Variants in PIK3C2A observed in about 807,000 individuals in gnomAD.
PIK3C2A encodes phosphatidylinositol 4-phosphate 3-kinase C2 domain-containing subunit alpha.
PIK3C2A carries 97 observed loss-of-function variants against 204.5 expected under a neutral mutation model. The ratio of observed to expected loss-of-function variants is 0.47; its 90% CI spans 0.40 to 0.56. PIK3C2A has a LOEUF of 0.56. Ranked by LOEUF, PIK3C2A falls within the 20% of genes least tolerant of loss-of-function variation. PIK3C2A has a pLI of 0.00. For synonymous variants in PIK3C2A, 653 were observed against 664.4 expected (o/e 0.98, Z 0.26); for missense variants, 1,735 against 1,969.2 (o/e 0.88, Z 2.25).
chr11:17,119,929 A>G lies in PIK3C2A; in HGVS notation c.2703T>C (p.Tyr901=), dbSNP rs1849319470. The G allele has an allele frequency of 6.2e-7, 1 of 1,606,910 alleles. No homozygotes were observed. The highest frequency in any genetic ancestry group is 8.5e-7 in the Non-Finnish European group (1 of 1,175,598). Residue 901 remains tyrosine, a synonymous_variant, in exon 16 of 33, where the codon TAT becomes TAC. Coordinates refer to ENST00000691414, the MANE Select transcript of PIK3C2A (RefSeq NM_002645.4). ...DKAFLWEKRY[Y]CFKHPNCLPK... ...GAAGACAATTTGGGTGTTTGAAGCA[A>G]TAATAACGTTTCTCCCATAAAAAAG...
Position 17,207,919 on chromosome 11 carries a change from C to A in PIK3C2A, c.-137G>T, listed in dbSNP as rs17647408. On this transcript the variant is annotated 5_prime_UTR_variant, in exon 1 of 33. Coordinates refer to ENST00000691414, the MANE Select transcript of PIK3C2A (RefSeq NM_002645.4). Reference sequence around the variant, plus strand: ...AGCCGCCACAGTCCGAGCCATTTTTCCCCTCAGCTGGCTCAGCCGCCGCCG... The same window carrying A: ...AGCCGCCACAGTCCGAGCCATTTTTACCCTCAGCTGGCTCAGCCGCCGCCG... 17,550 of 152,622 alleles carry A rather than the reference C, an allele frequency of 0.11. 1,256 individuals are homozygous for A. The highest frequency in any genetic ancestry group is 0.24 in the Middle Eastern group (71 of 294). The allele number at this position is 152,622 out of a possible 1,614,324, so 9.5% of individuals were successfully genotyped here. A position where few individuals can be genotyped will look rare whatever the true frequency, so the allele number is the denominator to read the frequency against.
rs191238635 is a variant in PIK3C2A at position 17,207,095 on chromosome 11, A to C, written c.-66+753T>G. Among the ~76,000 whole-genome samples the C allele has an allele frequency of 6.0e-3, 913 of 152,266 alleles. 18 individuals are homozygous for C. The highest frequency in any genetic ancestry group is 0.021 in the African/African-American group (867 of 41,544). On this transcript the variant is annotated intron_variant, in intron 1 of 32. Transcript: ENST00000691414. ...TTCCCTCCTCAATCCCTCCTCCCCC[A>C]AAAAATAATTCCACAGCTAGAGAAT...
chr11:17,165,005 A>C (rs1850899907), intron 2 of PIK3C2A, among the ~76,000 whole-genome samples: 1 of 152,106 alleles, frequency 6.6e-6, no homozygotes, highest in African/African-American at 2.4e-5. Flanking sequence ...TGCCCCACCA[A>C]AGGAAAGGGT....
rs115242230 is a variant in PIK3C2A, at chr11:17,110,177, T to A, written c.3544+255A>T. ...CATGTTGCCCAGGTTGGACTCAAAC[T>A]CCTGACCTCATGTGATCCACCCACC... On this transcript the variant is annotated intron_variant, in intron 22 of 32. Coordinates refer to ENST00000691414, the MANE Select transcript of PIK3C2A (RefSeq NM_002645.4). 0.049 allele frequency among the ~76,000 whole-genome samples: 7,489 copies of A among 152,124 alleles called. 424 individuals carry two copies. Among genetic ancestry groups the A allele is most frequent in the African/African-American group, 0.13 (5,568 of 41,466 alleles).
intron 8 of PIK3C2A, among the ~76,000 whole-genome samples, chr11:17,140,035 C>A (rs892374226): frequency 6.6e-6 from 1 of 152,190 alleles, no homozygotes; most frequent in African/African-American, 2.4e-5. Context: ...TGCCTCAAAA[C>A]CCCTACTGCC....
chr11:17,173,872 G>A (rs757306175), intron 1 of PIK3C2A, among the ~76,000 whole-genome samples: 9 of 152,102 alleles, frequency 5.9e-5, no homozygotes, highest in East Asian at 3.9e-4. Flanking sequence ...GCACAGTCTC[G>A]GCTCACTGCA....
At position 17,169,317 on chromosome 11, in the gene PIK3C2A, C is replaced by T. The variant is rs775482241; in HGVS notation, c.425G>A (p.Trp142Ter). 1.2e-6 allele frequency: 2 copies of T among 1,614,086 alleles called. No individual in the cohort carries two copies. The highest frequency in any genetic ancestry group is 8.5e-7 in the Non-Finnish European group (1 of 1,180,000). The change falls in exon 2 of 33, where the codon TGG (tryptophan) becomes TAG (stop). Residue 142 changes from tryptophan to a stop codon, truncating the protein, a stop_gained. Transcript: ENST00000691414. LOFTEE classifies it high-confidence loss of function. The stretch of plus-strand genomic sequence containing the variant: ...GGAAGGCCCAGGTAATCCAGGTGGC[C>T]ACTGTCCTCTCTGAATAGTAGGTCT... ...YFRPTIQRGQ[W>*]PPGLPGPSTY...
intron 8 of PIK3C2A, among the ~76,000 whole-genome samples, chr11:17,136,827 C>T (rs1039752931): frequency 6.6e-6 from 1 of 152,148 alleles, no homozygotes; most frequent in Non-Finnish European, 1.5e-5. Context: ...ATTTTCACTT[C>T]GTCTGACACA....
chr11:17,200,172 C>T (rs951308489), intron 1 of PIK3C2A, among the ~76,000 whole-genome samples: 8 of 147,452 alleles, frequency 5.4e-5, no homozygotes, highest in African/African-American at 1.5e-4. Flanking sequence ...GGCGACAGAG[C>T]GAGACTGCAT....
chr11:17,138,325 CTTT>C (rs61085828), intron 8 of PIK3C2A: 8,244 of 344,448 alleles, frequency 0.024, no homozygotes, highest in South Asian at 0.04. Flanking sequence ...AGCCAGCTTC[CTTT>C]TTTTTTTTTT....
chr11:17,186,063 T>C (rs117061194), intron 1 of PIK3C2A, among the ~76,000 whole-genome samples: 7,814 of 152,280 alleles, frequency 0.051, 280 homozygotes, highest in Non-Finnish European at 0.08. Context: ...ACTGCTTCCA[T>C]CACACTGGCC....
At chr11:17,157,459 C>CAAA (rs11387654) in intron 2 of PIK3C2A, among the ~76,000 whole-genome samples, 24 of 99,156 alleles carry the variant, frequency 2.4e-4, no homozygotes, top group South Asian at 3.8e-4. Flanking sequence ...GACTCTGTCT[C>CAAA]AAAAAAAAAA....
intron 20 of PIK3C2A, 103 bp from the exon 21 acceptor site, chr11:17,112,769 G>C: frequency 5.8e-6 from 3 of 513,334 alleles, no homozygotes. Flanking sequence ...TTTGTGTCTT[G>C]TTTTTAGATT....
chr11:17,135,706 TGTGTG>T (rs1488438854), intron 9 of PIK3C2A, among the ~76,000 whole-genome samples: 4 of 151,630 alleles, frequency 2.6e-5, no homozygotes, highest in African/African-American at 7.3e-5. Context: ...TGTGTGTGTG[TGTGTG>T]TGTGTGTATA....
rs1354774278 is a variant in PIK3C2A at position 17,089,572 on chromosome 11, C to T, written c.*166G>A. On this transcript the variant is annotated 3_prime_UTR_variant, in exon 33 of 33. Coordinates refer to ENST00000691414, the MANE Select transcript of PIK3C2A (RefSeq NM_002645.4). ...GTTAGTTATGTGACTGTTGGTCCAA[C>T]AGATGTGTTGAAATGCAGCAAGTAT... 2 of 536,410 alleles carry T rather than the reference C, an allele frequency of 3.7e-6. No homozygotes were observed. Among genetic ancestry groups the T allele is most frequent in the Admixed American group, 7.0e-5 (2 of 28,620 alleles). 33.2% of individuals were successfully genotyped at this position (536,410 alleles called of 1,614,324 possible).
At chr11:17,199,789 G>A (rs1362290777) in intron 1 of PIK3C2A, among the ~76,000 whole-genome samples, 3 of 151,954 alleles carry the variant, frequency 2.0e-5, no homozygotes, top group African/African-American at 7.3e-5. Flanking sequence ...GCTGGGCGTG[G>A]TGGTACATGC....
intron 8 of PIK3C2A, among the ~76,000 whole-genome samples, chr11:17,139,546 T>C (rs1381323130): frequency 6.6e-6 from 1 of 152,152 alleles, no homozygotes; most frequent in African/African-American, 2.4e-5. Context: ...TTCAAGTAAC[T>C]AGTACAATTT....
At position 17,169,678 on chromosome 11, in the gene PIK3C2A, T is replaced by G. The variant is rs1447703204; in HGVS notation, c.64A>C (p.Arg22=). Residue 22 remains arginine (R), a synonymous_variant, in exon 2 of 33, where the codon AGA becomes CGA. Transcript: ENST00000691414. ...TCTTCTTTGTCCACATCTTTTGCTC[T>G]TGTTGGTTCCGGATGTGAAGATGGA... ...ECPSSHPEPT[R]AKDVDKEEAL... 5 of 1,611,860 alleles carry G rather than the reference T, an allele frequency of 3.1e-6. No individual in the cohort carries two copies. The highest frequency in any genetic ancestry group is 4.2e-6 in the Non-Finnish European group (5 of 1,179,966).
intron 9 of PIK3C2A, 132 bp downstream of exon 9, chr11:17,136,350 C>T (rs938783509): frequency 4.4e-6 from 3 of 687,028 alleles, no homozygotes; most frequent in East Asian, 5.5e-5. Context: ...CCCCACCTAA[C>T]CAAGTAAGTG....
Sources: allele counts gnomAD v4.1 joint callset (sites outside exome capture counted in the v4.1 genomes callset), GRCh38; gene constraint gnomAD v4.1.1; transcripts MANE v1.5; gene names NCBI Gene and HGNC (gene_info 2026-07-23, HGNC 2026-07-21).